Variants in NXPH1 observed in about 807,000 individuals in gnomAD.
NXPH1 encodes neurexophilin 1.
A neutral mutation model predicts 23.7 loss-of-function variants in NXPH1; 5 were observed. The observed-to-expected ratio is 0.21, with a 90% confidence interval of 0.11 to 0.44. NXPH1 has a LOEUF of 0.44. Ranked by LOEUF, NXPH1 falls within the 20% of genes least tolerant of loss-of-function variation. The probability of loss-of-function intolerance (pLI) is 0.99; values close to 1 mark genes in which losing one functional copy is unlikely to be tolerated. For synonymous variants in NXPH1, 144 were observed against 122.2 expected (o/e 1.18, Z -1.18); for missense variants, 324 against 321.6 (o/e 1.01, Z -0.06).
intron 2 of NXPH1, among the ~76,000 whole-genome samples, chr7:8,580,647 C>T (rs1818848235): frequency 6.6e-6 from 1 of 152,086 alleles, no homozygotes; most frequent in African/African-American, 2.4e-5. Flanking sequence ...CTCTGGAGAG[C>T]TTAGAATTCT....
chr7:8,642,116 C>G (rs1294216000), intron 2 of NXPH1, among the ~76,000 whole-genome samples: 1 of 152,138 alleles, frequency 6.6e-6, no homozygotes, highest in African/African-American at 2.4e-5. Flanking sequence ...TGGGCTATTT[C>G]TATATGTTGA....
intron 2 of NXPH1, among the ~76,000 whole-genome samples, chr7:8,678,832 T>C (rs1401382946): frequency 6.6e-6 from 1 of 151,742 alleles, no homozygotes; most frequent in Non-Finnish European, 1.5e-5. Flanking sequence ...CACAGCAGAG[T>C]TGCTTTGGAC....
At chr7:8,600,477 T>C (rs1204040252) in intron 2 of NXPH1, among the ~76,000 whole-genome samples, 3 of 152,198 alleles carry the variant, frequency 2.0e-5, no homozygotes, top group Non-Finnish European at 2.9e-5. Context: ...GACGTACCTC[T>C]GTGCACCACA....
chr7:8,601,638 T>C (rs749395814), intron 2 of NXPH1, among the ~76,000 whole-genome samples: 12 of 152,322 alleles, frequency 7.9e-5, no homozygotes, highest in Middle Eastern at 3.4e-3. Flanking sequence ...ACAAGTCCCA[T>C]AAGAGGTACA....
chr7:8,545,145 A>G (rs1818180134), intron 2 of NXPH1, among the ~76,000 whole-genome samples: 1 of 151,568 alleles, frequency 6.6e-6, no homozygotes, highest in African/African-American at 2.4e-5. Flanking sequence ...AAATAAAGGA[A>G]GAGGAATATT....
chr7:8,555,170 G>A (rs905063244), intron 2 of NXPH1, among the ~76,000 whole-genome samples: 1 of 151,696 alleles, frequency 6.6e-6, no homozygotes, highest in African/African-American at 2.4e-5. Context: ...AGTGAATACA[G>A]TTCACTGGTT....
At chr7:8,591,332 T>C (rs1337974988) in intron 2 of NXPH1, among the ~76,000 whole-genome samples, 1 of 152,008 alleles carries the variant, frequency 6.6e-6, no homozygotes, top group Non-Finnish European at 1.5e-5. Flanking sequence ...AAGTGGTGGA[T>C]CTAAGATTTA....
chr7:8,579,071 CAT>C (rs888545743), intron 2 of NXPH1, among the ~76,000 whole-genome samples: 18 of 152,288 alleles, frequency 1.2e-4, no homozygotes, highest in African/African-American at 4.3e-4. Context: ...CTCAGTACCA[CAT>C]GTTTGTGAAA....
intron 2 of NXPH1, among the ~76,000 whole-genome samples, chr7:8,452,072 C>T (rs57556668): frequency 0.018 from 2,757 of 152,256 alleles, 86 homozygotes; most frequent in African/African-American, 0.063. Flanking sequence ...TCAGATGTCC[C>T]GCGGTTTGCA....
rs141677613 is a variant in NXPH1, at chr7:8,632,100, G to A, written c.55-118908G>A. On this transcript the variant is annotated intron_variant, in intron 2 of 2. Coordinates refer to ENST00000405863, the MANE Select transcript of NXPH1 (RefSeq NM_152745.3). ...ACCTTATGTCTGCCATTCAGGGAGC[G>A]TCCATCAGATGGCTGTGGTAACTTG... 8.0e-3 allele frequency among the ~76,000 whole-genome samples: 1,212 copies of A among 152,134 alleles called. 13 individuals are homozygous for A. The highest frequency in any genetic ancestry group is 0.044 in the Middle Eastern group (13 of 294).
At chr7:8,689,988 A>G (rs1186437229) in intron 2 of NXPH1, among the ~76,000 whole-genome samples, 1 of 152,220 alleles carries the variant, frequency 6.6e-6, no homozygotes, top group Non-Finnish European at 1.5e-5. Flanking sequence ...TAAGACCATA[A>G]TAAGCCTAGG....
intron 2 of NXPH1, among the ~76,000 whole-genome samples, chr7:8,694,850 G>A (rs1347086372): frequency 1.3e-5 from 2 of 152,160 alleles, no homozygotes; most frequent in African/African-American, 4.8e-5. Flanking sequence ...TGAAGAAAAT[G>A]AGAAGAGAGT....
At chr7:8,461,885 C>A (rs1816703303) in intron 2 of NXPH1, among the ~76,000 whole-genome samples, 1 of 149,680 alleles carries the variant, frequency 6.7e-6, no homozygotes, top group Non-Finnish European at 1.5e-5. Context: ...TGCACACCTA[C>A]ATATACTCAA....
intron 2 of NXPH1, among the ~76,000 whole-genome samples, chr7:8,462,104 AGTG>A (rs1816706072): frequency 6.6e-6 from 1 of 152,056 alleles, no homozygotes; most frequent in Admixed American, 6.5e-5. Flanking sequence ...GCTGGAGTGC[AGTG>A]GCGTGATCTC....
intron 2 of NXPH1, among the ~76,000 whole-genome samples, chr7:8,566,029 G>C (rs558131166): frequency 2.6e-5 from 4 of 151,942 alleles, no homozygotes; most frequent in Non-Finnish European, 5.9e-5. Context: ...TTACTCCAAA[G>C]TAGGTGGGAT....
intron 2 of NXPH1, among the ~76,000 whole-genome samples, chr7:8,725,514 G>A (rs906786301): frequency 2.0e-5 from 3 of 150,336 alleles, no homozygotes; most frequent in Non-Finnish European, 4.4e-5. Context: ...AAAATCCATC[G>A]TAGGGCCTGG....
intron 2 of NXPH1, among the ~76,000 whole-genome samples, chr7:8,492,663 A>G (rs756702442): frequency 6.6e-6 from 1 of 151,998 alleles, no homozygotes; most frequent in Non-Finnish European, 1.5e-5. Flanking sequence ...CGCCATCATC[A>G]TCACTGCTAT....
Position 8,679,693 on chromosome 7 carries a change from A to T in NXPH1, c.55-71315A>T, listed in dbSNP as rs189450746. ...TGAAGGCTTGTTTCATGGTGGCCTT[A>T]ATCACCCAAGTCTATTTGTTGCACT... On this transcript the variant is annotated intron_variant, in intron 2 of 2. Coordinates refer to ENST00000405863, the MANE Select transcript of NXPH1 (RefSeq NM_152745.3). 3.9e-5 allele frequency among the ~76,000 whole-genome samples: 6 copies of T among 152,348 alleles called. No individual in the cohort carries two copies. The East Asian group carries it at 1.2e-3, about 29-fold the overall frequency.
chr7:8,666,620 T>C (rs1372596212), intron 2 of NXPH1, among the ~76,000 whole-genome samples: 1 of 152,108 alleles, frequency 6.6e-6, no homozygotes, highest in African/African-American at 2.4e-5. Flanking sequence ...TAAATTATTC[T>C]TTAGATGTTA....
Sources: allele counts gnomAD v4.1 joint callset (sites outside exome capture counted in the v4.1 genomes callset), GRCh38; gene constraint gnomAD v4.1.1; transcripts MANE v1.5; gene names NCBI Gene and HGNC (gene_info 2026-07-23, HGNC 2026-07-21).